The following RNPS1 variants were observed in gnomAD, a reference collection of about 807,000 sequenced individuals.
RNPS1 encodes the protein RNA binding protein with serine rich domain 1, also known as RNA-binding protein with serine-rich domain 1.
For synonymous variants in RNPS1, 147 were observed against 150.0 expected (o/e 0.98, Z 0.15); for missense variants, 300 against 427.6 (o/e 0.70, Z 2.63).
Position 2,262,724 on chromosome 16 carries a change from G to A in RNPS1, c.522+16C>T. 1.9e-6 allele frequency: 3 copies of A among 1,604,974 alleles called. No individual in the cohort carries two copies. Among genetic ancestry groups the A allele is most frequent in the East Asian group, 2.2e-5 (1 of 44,836 alleles). On this transcript the variant is annotated intron_variant, in intron 5 of 7. Coordinates refer to ENST00000320225, the MANE Select transcript of RNPS1 (RefSeq NM_080594.4). ...TCCACACCCCACTGCCCACAGGAGAGATCCATGATCCTCACCTTTGTCACA... is the reference window on the plus strand; with the variant it reads ...TCCACACCCCACTGCCCACAGGAGAAATCCATGATCCTCACCTTTGTCACA...
chr16:2,261,952 G>A (rs371290608), intron 6 of RNPS1, among the ~76,000 whole-genome samples: 1 of 152,194 alleles, frequency 6.6e-6, no homozygotes, highest in Non-Finnish European at 1.5e-5. Context: ...CATATGTATA[G>A]ACATATAGCT....
intron 1 of RNPS1, chr16:2,266,859 G>A (rs190548071): frequency 2.5e-6 from 1 of 398,438 alleles, no homozygotes; most frequent in Non-Finnish European, 3.4e-6. Flanking sequence ...TCTAATAAAA[G>A]TTTGCTTTTT....
chr16:2,267,352 G>A, intron 1 of RNPS1: 1 of 984,734 alleles, frequency 1.0e-6, no homozygotes, highest in Non-Finnish European at 1.2e-6. Context: ...CAGTTCATGC[G>A]GAATCAAGAC....
Position 2,254,081 on chromosome 16 carries a change from A to G in RNPS1, c.819-18T>C. The G allele has an allele frequency of 1.4e-6, 2 of 1,460,242 alleles. No homozygotes were observed. Among genetic ancestry groups the G allele is most frequent in the Non-Finnish European group, 9.1e-7 (1 of 1,101,726 alleles). The allele number at this position is 1,460,242 out of a possible 1,614,324, so 90.5% of individuals were successfully genotyped here. On this transcript the variant is annotated intron_variant, in intron 7 of 7. Transcript: ENST00000320225. Reference sequence around the variant, plus strand: ...AGCGGGACCTGCGGGAAGAGGAGAAACCACATCAGAGTAGCTCAGGCTGTA... The same window carrying G: ...AGCGGGACCTGCGGGAAGAGGAGAAGCCACATCAGAGTAGCTCAGGCTGTA...
chr16:2,259,026 G>T (rs1329044375), intron 6 of RNPS1, among the ~76,000 whole-genome samples: 1 of 150,056 alleles, frequency 6.7e-6, no homozygotes, highest in African/African-American at 2.5e-5. Context: ...GGGAGGCTAA[G>T]GCAGGAGAAC....
At position 2,264,660 on chromosome 16, in the gene RNPS1, G is replaced by A. The variant is rs1402709372; in HGVS notation, c.-17C>T. On this transcript the variant is annotated 5_prime_UTR_variant, in exon 2 of 8. Coordinates refer to ENST00000320225, the MANE Select transcript of RNPS1 (RefSeq NM_080594.4). ...TAAATCCATTCTCCCCTTCTGAGGT[G>A]TTCAAAGCAGCAATGGCGGCCTCAC... 1.2e-6 allele frequency: 2 copies of A among 1,610,186 alleles called. No homozygotes were observed. The highest frequency in any genetic ancestry group is 1.3e-5 in the African/African-American group (1 of 74,834).
rs371856042 is a variant in RNPS1, at chr16:2,268,081, T to A, written c.-144A>T. On this transcript the variant is annotated 5_prime_UTR_variant, in exon 1 of 8. Coordinates refer to ENST00000320225, the MANE Select transcript of RNPS1 (RefSeq NM_080594.4). ...TCTTCCCGCCGCCGCCACCTCCTCC[T>A]GCTTTCCTCAGCCGCCGAGGCCGGC... The A allele has an allele frequency of 5.9e-6, 9 of 1,535,440 alleles. No individual in the cohort carries two copies. The Admixed American group carries it at 7.8e-5, about 13-fold the overall frequency.
chr16:2,266,719 A>G, intron 1 of RNPS1: 1 of 985,404 alleles, frequency 1.0e-6, no homozygotes, highest in East Asian at 1.1e-4. Context: ...TGTCCAATAG[A>G]AACCGTGTGA....
intron 3 of RNPS1, chr16:2,263,894 CTTTT>C (rs763102791): frequency 4.1e-4 from 85 of 207,402 alleles, no homozygotes; most frequent in South Asian, 6.9e-4. Context: ...ACAAATTACT[CTTTT>C]TTTTTTTTTT....
chr16:2,267,461 T>G, intron 1 of RNPS1: 3 of 970,984 alleles, frequency 3.1e-6, no homozygotes, highest in African/African-American at 1.8e-5. Flanking sequence ...CCGTGCTCGG[T>G]CCATAGTGGG....
intron 1 of RNPS1, chr16:2,267,701 G>C (rs1454251079): frequency 1.4e-5 from 17 of 1,211,210 alleles, no homozygotes; most frequent in Non-Finnish European, 1.8e-5. Context: ...AGCGCTTCCA[G>C]GGCAGGGCCT....
intron 6 of RNPS1, among the ~76,000 whole-genome samples, chr16:2,260,376 A>T (rs139145240): frequency 7.4e-4 from 112 of 152,156 alleles, no homozygotes; most frequent in African/African-American, 2.6e-3. Flanking sequence ...CGCTGGTCTC[A>T]AACTCCTGAC....
intron 7 of RNPS1, 118 bp downstream of exon 7, chr16:2,255,467 T>C (rs894221133): frequency 8.2e-5 from 102 of 1,240,958 alleles, no homozygotes; most frequent in Non-Finnish European, 1.1e-4. Context: ...GGGCTCCTGC[T>C]CTCTGCCAGC....
rs541084587 is a variant in RNPS1, at chr16:2,266,698, T to C, written c.-118+1357A>G. 1.4e-4 allele frequency: 135 copies of C among 985,416 alleles called. No individual in the cohort carries two copies. The African/African-American group carries it at 2.2e-3, about 16-fold the overall frequency. 61.0% of individuals were successfully genotyped at this position (985,416 alleles called of 1,614,324 possible). On this transcript the variant is annotated intron_variant, in intron 1 of 7. Coordinates refer to ENST00000320225, the MANE Select transcript of RNPS1 (RefSeq NM_080594.4). ...TGCACCCACCCGCCTTCGAATCACC[T>C]GCAGCAGCACTGTCCAATAGAAACC...
chr16:2,266,385 C>T (rs1390403883), intron 1 of RNPS1: 3 of 985,258 alleles, frequency 3.0e-6, no homozygotes, highest in African/African-American at 1.7e-5. Context: ...TGTCCTCGGA[C>T]AATCAGTGAG....
chr16:2,254,286 C>T (rs1464935490), intron 7 of RNPS1, among the ~76,000 whole-genome samples: 1 of 152,208 alleles, frequency 6.6e-6, no homozygotes, highest in African/African-American at 2.4e-5. Context: ...CAGGCGCGCG[C>T]CACCACGCCC....
chr16:2,268,019 G>C, intron 1 of RNPS1, 36 bp downstream of exon 1: 1 of 1,533,722 alleles, frequency 6.5e-7, no homozygotes, highest in Non-Finnish European at 8.7e-7. Flanking sequence ...GGCAGCCCCC[G>C]AAACACGGAT....
chr16:2,263,357 T>G (rs1397168952), intron 3 of RNPS1, 70 bp from the exon 4 acceptor site: 1 of 1,500,008 alleles, frequency 6.7e-7, no homozygotes, highest in African/African-American at 1.4e-5. Flanking sequence ...CCTCCAATTC[T>G]GTTGTGCTCC....
In RNPS1 at chr16:2,263,088, G is replaced by A. The variant is rs772716096; in HGVS notation, c.419+8C>T. On this transcript the variant is annotated splice_region_variant and intron_variant, in intron 4 of 7. Coordinates refer to ENST00000320225, the MANE Select transcript of RNPS1 (RefSeq NM_080594.4). ...GTAAACTTTAGCTCCCAGGCGCAGG[G>A]CACTCACTTGGAGCGGGAGCGCCTC... is the stretch of plus-strand genomic sequence containing the variant. 2 of 1,611,406 alleles carry A rather than the reference G, an allele frequency of 1.2e-6. No individual in the cohort carries two copies. Among genetic ancestry groups the A allele is most frequent in the Admixed American group, 3.3e-5 (2 of 59,948 alleles).
Sources: gnomAD v4.1 joint callset for allele counts (sites outside exome capture counted in the v4.1 genomes callset) on GRCh38, gnomAD v4.1.1 for gene constraint, MANE v1.5 for transcripts, NCBI Gene and HGNC (gene_info 2026-07-23, HGNC 2026-07-21) for gene names.